ZFR2: variants seen among roughly 807,000 people sequenced by gnomAD.
ZFR2 encodes the protein zinc finger RNA-binding protein 2.
Under a neutral mutation model 105.7 loss-of-function variants are expected in ZFR2, and 104 were observed. The ratio of observed to expected loss-of-function variants is 0.98; its 90% CI spans 0.84 to 1.16. The LOEUF (loss-of-function observed/expected upper bound fraction) is 1.16, where lower values mean the gene tolerates loss of function less well. ZFR2 is among the 50% of genes most tolerant of loss of function. The pLI, the probability that ZFR2 is intolerant of heterozygous loss-of-function variation, is 0.00. For missense variants in ZFR2, 1,425 were observed against 1,355.5 expected (o/e 1.05, Z -0.80); for synonymous variants, 634 against 597.7 (o/e 1.06, Z -0.89).
chr19:3,818,999 TG>T, intron 12 of ZFR2, 45 bp downstream of exon 12: 1 of 1,589,216 alleles, frequency 6.3e-7, no homozygotes, highest in Non-Finnish European at 8.6e-7. Context: ...AGCTGACCTC[TG>T]TCCTGGCTGA....
chr19:3,849,010 A>G (rs145223394), intron 1 of ZFR2, among the ~76,000 whole-genome samples: 3,786 of 152,278 alleles, frequency 0.025, 151 homozygotes, highest in African/African-American at 0.086. Context: ...AAACAAAACA[A>G]AACAAAACAA....
intron 12 of ZFR2, among the ~76,000 whole-genome samples, chr19:3,818,645 A>C (rs886323983): frequency 3.3e-5 from 5 of 152,092 alleles, no homozygotes; most frequent in African/African-American, 1.2e-4. Flanking sequence ...TCACACGGGC[A>C]CTCAGTGACA....
intron 1 of ZFR2, among the ~76,000 whole-genome samples, chr19:3,864,662 G>C (rs1291503003): frequency 6.6e-6 from 1 of 152,192 alleles, no homozygotes; most frequent in Non-Finnish European, 1.5e-5. Flanking sequence ...TACAGACCCT[G>C]TTGGAGCTCC....
intron 1 of ZFR2, chr19:3,855,597 T>C (rs1218732248): frequency 1.8e-5 from 9 of 495,266 alleles, no homozygotes; most frequent in Non-Finnish European, 2.8e-5. Context: ...GTCAGCAAAA[T>C]AATTCAACGC....
rs2038104669 is a variant in ZFR2 at position 3,838,694 on chromosome 19, G to A, written c.54-3711C>T. ...CCGTCCCCGCTGCCTGCAAGTGGCT[G>A]CTCAGTGACACCCTGGGACGAGCCC... On this transcript the variant is annotated intron_variant, in intron 1 of 18. Transcript: ENST00000262961. The surrounding 1 kb of genome is among the most constrained non-coding windows in gnomAD (Gnocchi z 4.9). 6.6e-6 allele frequency among the ~76,000 whole-genome samples: 1 copy of A among 152,218 alleles called. No individual in the cohort carries two copies. Among genetic ancestry groups the A allele is most frequent in the South Asian group, 2.1e-4 (1 of 4,826 alleles).
At chr19:3,844,421 G>A (rs1166763194) in intron 1 of ZFR2, among the ~76,000 whole-genome samples, 1 of 151,640 alleles carries the variant, frequency 6.6e-6, no homozygotes, top group African/African-American at 2.4e-5. Context: ...ACACTGGAGT[G>A]CAGTGGTGCG....
intron 16 of ZFR2, among the ~76,000 whole-genome samples, chr19:3,809,742 G>A (rs1316797261): frequency 1.3e-5 from 2 of 152,084 alleles, no homozygotes; most frequent in African/African-American, 2.4e-5. Flanking sequence ...TCAGGAGTTC[G>A]AGACCATCCT....
At chr19:3,860,850 C>T (rs1599258193) in intron 1 of ZFR2, among the ~76,000 whole-genome samples, 1 of 152,248 alleles carries the variant, frequency 6.6e-6, no homozygotes, top group East Asian at 1.9e-4. Flanking sequence ...ACGGAACGAC[C>T]TGCAGAGCCC....
intron 1 of ZFR2, among the ~76,000 whole-genome samples, chr19:3,863,593 ATG>A (rs1442804702): frequency 6.6e-6 from 1 of 152,090 alleles, no homozygotes; most frequent in African/African-American, 2.4e-5. Flanking sequence ...ATGCCTGGCC[ATG>A]TGTTTTTTAA....
intron 1 of ZFR2, among the ~76,000 whole-genome samples, chr19:3,862,903 G>A (rs1163863685): frequency 6.6e-6 from 1 of 152,236 alleles, no homozygotes; most frequent in African/African-American, 2.4e-5. Flanking sequence ...TGGAAAGAAT[G>A]GGTGCAGCAG....
rs755679122 is a variant in ZFR2 at position 3,813,949 on chromosome 19, C to T, written c.2113G>A (p.Glu705Lys). Residue 705 changes from glutamate to lysine, a missense_variant, in exon 14 of 19, where the codon GAG becomes AAG. Glu to Lys is a moderately conservative substitution (Grantham distance 56). Transcript: ENST00000262961. The surrounding 1 kb of genome is among the most constrained non-coding windows in gnomAD (Gnocchi z 4.4). ...TCGGAGGAGACCTCATACTCATCCT[C>T]GGTCACCATCTGGGAGGGGTAAATA... ...QLPRQLQMVTEDEYEVSSDPE... is the reference protein window; with the variant it reads ...QLPRQLQMVTKDEYEVSSDPE... 6 of 1,613,700 alleles carry T rather than the reference C, an allele frequency of 3.7e-6. No individual in the cohort carries two copies. Among genetic ancestry groups the T allele is most frequent in the East Asian group, 4.5e-5 (2 of 44,884 alleles).
rs370832848 is a variant in ZFR2, at chr19:3,861,155, C to T, written c.53+7810G>A. Among the ~76,000 whole-genome samples the T allele has an allele frequency of 9.9e-5, 15 of 152,086 alleles. 1 individual carries two copies. Among genetic ancestry groups the T allele is most frequent in the Non-Finnish European group, 2.9e-5 (2 of 68,036 alleles). ...AGAGCCATGCCGCCTCTCCACTCTC[C>T]GCCAACCGCGACAAGTAAACGACTC... is the stretch of plus-strand genomic sequence containing the variant. On this transcript the variant is annotated intron_variant, in intron 1 of 18. Coordinates refer to ENST00000262961, the MANE Select transcript of ZFR2 (RefSeq NM_015174.2).
Position 3,831,660 on chromosome 19 carries a change from C to A in ZFR2, c.598G>T (p.Ala200Ser). The change falls in exon 4 of 19, where the codon GCA becomes TCA. Residue 200 changes from alanine to serine, a missense_variant and splice_region_variant. Coordinates refer to ENST00000262961, the MANE Select transcript of ZFR2 (RefSeq NM_015174.2). ...CCTGGGCAAGGAACGCTGGTCTTACCCGTGTAGGCGGTGCAGGTGGGGTTG... is the reference window on the plus strand; with the variant it reads ...CCTGGGCAAGGAACGCTGGTCTTACACGTGTAGGCGGTGCAGGTGGGGTTG... ...SYNPTCTAYT[A>S]PSYPNYDASV... is the part of the protein sequence containing the mutation. 1 of 1,540,348 alleles carries A rather than the reference C, an allele frequency of 6.5e-7. No homozygotes were observed. The highest frequency in any genetic ancestry group is 8.8e-7 in the Non-Finnish European group (1 of 1,139,256).
chr19:3,838,983 T>A lies in ZFR2; in HGVS notation c.54-4000A>T, dbSNP rs2038107144. ...GGCGCTTGTGTTGGGGAGGGCTCTG[T>A]CAGACACCTCAGCCTGTTTCTCCAA... On this transcript the variant is annotated intron_variant, in intron 1 of 18. Coordinates refer to ENST00000262961, the MANE Select transcript of ZFR2 (RefSeq NM_015174.2). This position sits in a 1 kb window ranked among gnomAD's most constrained non-coding sequence, Gnocchi z 4.9. Among the ~76,000 whole-genome samples, 1 of 152,050 alleles carries A rather than the reference T, an allele frequency of 6.6e-6. No individual in the cohort carries two copies. Among genetic ancestry groups the A allele is most frequent in the Non-Finnish European group, 1.5e-5 (1 of 68,010 alleles).
chr19:3,822,864 A>G (rs2037910335), intron 8 of ZFR2, among the ~76,000 whole-genome samples: 1 of 152,170 alleles, frequency 6.6e-6, no homozygotes, highest in African/African-American at 2.4e-5. Flanking sequence ...CACCAGCCTG[A>G]CCTTGGCAGG....
intron 5 of ZFR2, among the ~76,000 whole-genome samples, chr19:3,830,990 CGCTT>C (rs1030474684): frequency 6.6e-6 from 1 of 152,172 alleles, no homozygotes; most frequent in Non-Finnish European, 1.5e-5. Flanking sequence ...CATACACACA[CGCTT>C]GCACACACAG....
In ZFR2 at chr19:3,833,764, G is replaced by A. The variant is rs758708543; in HGVS notation, c.279C>T (p.Tyr93=). 2.5e-5 allele frequency: 39 copies of A among 1,576,260 alleles called. 1 individual carries two copies. In the African/African-American group the frequency reaches 3.1e-4, roughly 13 times the overall value. The change falls in exon 3 of 19, where the codon TAC becomes TAT. Residue 93 remains tyrosine, a synonymous_variant. Transcript: ENST00000262961. ...AGCTCCTGGCAGCTGCTGACTGTCC[G>A]TAGCTGTAACTGTCCTATGTGGGGG... is the stretch of plus-strand genomic sequence containing the variant. ...TMATYQDSYS[Y]GQSAAARSYE... is the part of the protein sequence containing the mutation.
At chr19:3,854,335 G>A (rs557792070) in intron 1 of ZFR2, among the ~76,000 whole-genome samples, 116 of 152,184 alleles carry the variant, frequency 7.6e-4, no homozygotes, top group Admixed American at 2.1e-3. Flanking sequence ...GGAAGCTGCA[G>A]TGAGTTGAGA....
Position 3,808,911 on chromosome 19 carries a change from G to T in ZFR2, c.2506C>A (p.Arg836=). The change falls in exon 17 of 19, where the codon CGA becomes AGA. Residue 836 remains arginine (R), a synonymous_variant. Coordinates refer to ENST00000262961, the MANE Select transcript of ZFR2 (RefSeq NM_015174.2). ...CCTGTGGCCACGCACTCCAGGACTC[G>T]CCTGACTGCATCCCCGGGGCCCAGG... ...GPLGPGDAVR[R]VLECVATGTL... The T allele has an allele frequency of 6.4e-7, 1 of 1,567,758 alleles. No homozygotes were observed.
Sources: gnomAD v4.1 joint callset for allele counts (sites outside exome capture counted in the v4.1 genomes callset) on GRCh38, gnomAD v4.1.1 for gene constraint, Gnocchi (gnomAD v3.1) non-coding constraint, MANE v1.5 for transcripts, NCBI Gene and HGNC (gene_info 2026-07-23, HGNC 2026-07-21) for gene names.